Variants in KCNT2 observed in about 807,000 individuals in gnomAD.
KCNT2 encodes potassium sodium-activated channel subfamily T member 2, also known as potassium channel subfamily T member 2.
In KCNT2, 67 loss-of-function variants were observed where a neutral mutation model predicts 153.8. The observed-to-expected ratio is 0.44, with a 90% CI of 0.36 to 0.53. KCNT2 has a LOEUF of 0.53. Ranked by LOEUF, KCNT2 falls within the 20% of genes least tolerant of loss-of-function variation. The probability of loss-of-function intolerance (pLI) is 0.00; values close to 1 mark genes in which losing one functional copy is unlikely to be tolerated. For missense variants in KCNT2, 975 were observed against 1,354.8 expected (o/e 0.72, Z 4.40); for synonymous variants, 500 against 458.8 (o/e 1.09, Z -1.15).
intron 25 of KCNT2, chr1:196,273,551 G>C: frequency 8.4e-7 from 1 of 1,186,912 alleles, no homozygotes; most frequent in East Asian, 2.6e-5. Context: ...CTAAACAATA[G>C]ATGCATGCCA....
chr1:196,548,947 T>C lies in KCNT2; in HGVS notation c.96-56606A>G, dbSNP rs1045710965. ...GCATAGTCTCACTCATAGGTGGGAA[T>C]TGAACAATGAGAACACATGGACACA... On this transcript the variant is annotated intron_variant, in intron 1 of 27. Coordinates refer to ENST00000294725, the MANE Select transcript of KCNT2 (RefSeq NM_198503.5). Among the ~76,000 whole-genome samples, 4 of 151,622 alleles carry C rather than the reference T, an allele frequency of 2.6e-5. No individual in the cohort carries two copies. The South Asian group carries it at 6.2e-4, about 24-fold the overall frequency.
chr1:196,533,079 A>G (rs1159771544), intron 1 of KCNT2, among the ~76,000 whole-genome samples: 1 of 152,142 alleles, frequency 6.6e-6, no homozygotes, highest in African/African-American at 2.4e-5. Flanking sequence ...CAAGGATAAT[A>G]TAAACGATGT....
intron 14 of KCNT2, among the ~76,000 whole-genome samples, chr1:196,355,977 C>T (rs1454293248): frequency 6.6e-6 from 1 of 151,738 alleles, no homozygotes; most frequent in African/African-American, 2.4e-5. Flanking sequence ...TATTACATTG[C>T]TATATCTGTA....
chr1:196,468,757 C>T (rs1317432992), intron 6 of KCNT2, among the ~76,000 whole-genome samples: 1 of 151,996 alleles, frequency 6.6e-6, no homozygotes, highest in East Asian at 1.9e-4. Flanking sequence ...CAAATGGCAT[C>T]CCCAGAACAT....
intron 26 of KCNT2, among the ~76,000 whole-genome samples, chr1:196,246,099 G>A (rs949057988): frequency 5.3e-5 from 8 of 152,248 alleles, no homozygotes; most frequent in African/African-American, 1.9e-4. Flanking sequence ...AAAGTAGCAA[G>A]AGAAAAGAAA....
chr1:196,562,149 A>AT (rs1659497387), intron 1 of KCNT2, among the ~76,000 whole-genome samples: 1 of 152,056 alleles, frequency 6.6e-6, no homozygotes, highest in African/African-American at 2.4e-5. Context: ...CAAAATGTAG[A>AT]TTTTTCCCAC....
intron 8 of KCNT2, among the ~76,000 whole-genome samples, chr1:196,453,746 C>G (rs1309889648): frequency 2.0e-5 from 3 of 151,938 alleles, no homozygotes; most frequent in Admixed American, 2.0e-4. Flanking sequence ...TGAAATTTAC[C>G]TCCCTATCTT....
At chr1:196,453,104 T>A (rs1346149968) in intron 8 of KCNT2, among the ~76,000 whole-genome samples, 1 of 151,984 alleles carries the variant, frequency 6.6e-6, no homozygotes, top group Non-Finnish European at 1.5e-5. Flanking sequence ...TTTGTGTTAT[T>A]GTTTTTGTTG....
At chr1:196,295,862 C>T (rs1262104979) in intron 22 of KCNT2, among the ~76,000 whole-genome samples, 4 of 151,800 alleles carry the variant, frequency 2.6e-5, no homozygotes, top group African/African-American at 9.7e-5. Context: ...AGAAGATAAA[C>T]AAAGGATGCA....
intron 13 of KCNT2, among the ~76,000 whole-genome samples, chr1:196,385,848 T>C (rs1294585861): frequency 6.6e-6 from 1 of 151,892 alleles, no homozygotes; most frequent in African/African-American, 2.4e-5. Context: ...CTGTCTGTGG[T>C]AGCCAGCCTC....
chr1:196,573,050 G>A (rs1660953501), intron 1 of KCNT2, among the ~76,000 whole-genome samples: 1 of 152,160 alleles, frequency 6.6e-6, no homozygotes, highest in African/African-American at 2.4e-5. Flanking sequence ...TTTTGAATTG[G>A]CACACAACAG....
intron 25 of KCNT2, among the ~76,000 whole-genome samples, chr1:196,280,419 G>T (rs1170378065): frequency 6.6e-6 from 1 of 152,178 alleles, no homozygotes; most frequent in Non-Finnish European, 1.5e-5. Flanking sequence ...ATTGAGAAAT[G>T]TGAATTTTAA....
chr1:196,489,984 CAA>C (rs753291509), intron 2 of KCNT2, 47 bp from the exon 3 acceptor site: 4 of 838,942 alleles, frequency 4.8e-6, no homozygotes, highest in Non-Finnish European at 5.6e-6. Context: ...ACTTAGTTCA[CAA>C]AAGACTAAAA....
At chr1:196,489,027 G>C (rs1451328411) in intron 3 of KCNT2, among the ~76,000 whole-genome samples, 2 of 151,900 alleles carry the variant, frequency 1.3e-5, no homozygotes. Context: ...TTTCCTGAAG[G>C]TCCTGGAGTC....
At chr1:196,430,393 TC>T (rs1674040695) in intron 8 of KCNT2, among the ~76,000 whole-genome samples, 10 of 149,080 alleles carry the variant, frequency 6.7e-5, no homozygotes, top group Admixed American at 6.6e-4. Flanking sequence ...TCTCTCTCTC[TC>T]TCTCTCTCTC....
intron 14 of KCNT2, among the ~76,000 whole-genome samples, chr1:196,343,400 C>T (rs1192060184): frequency 1.3e-5 from 2 of 152,020 alleles, no homozygotes; most frequent in East Asian, 1.9e-4. Context: ...CTGAATAACA[C>T]TTATGAACTC....
intron 25 of KCNT2, among the ~76,000 whole-genome samples, chr1:196,260,162 A>C (rs148774460): frequency 1.9e-4 from 29 of 151,996 alleles, no homozygotes; most frequent in African/African-American, 6.7e-4. Context: ...CTTTCTAGTC[A>C]TAAGTCCCTA....
intron 1 of KCNT2, among the ~76,000 whole-genome samples, chr1:196,513,676 C>T (rs1266698952): frequency 6.6e-6 from 1 of 152,150 alleles, no homozygotes; most frequent in Admixed American, 6.5e-5. Context: ...AACCTTCTTC[C>T]TCCCTAGTCT....
intron 8 of KCNT2, among the ~76,000 whole-genome samples, chr1:196,455,858 A>G (rs1374739567): frequency 1.3e-5 from 2 of 151,942 alleles, no homozygotes; most frequent in Non-Finnish European, 2.9e-5. Flanking sequence ...AACCTTTCTG[A>G]CCCTGTTCTC....
Sources: allele counts gnomAD v4.1 joint callset (sites outside exome capture counted in the v4.1 genomes callset), GRCh38; gene constraint gnomAD v4.1.1; transcripts MANE v1.5; gene names NCBI Gene and HGNC (gene_info 2026-07-23, HGNC 2026-07-21).